The following JAM2 variants were observed in gnomAD, a reference collection of about 807,000 sequenced individuals.
The protein encoded by JAM2 is junctional adhesion molecule 2.
In JAM2, 17 loss-of-function variants were observed where a neutral mutation model predicts 42.0. The observed-to-expected ratio is 0.40, with a 90% CI of 0.28 to 0.61. The LOEUF (loss-of-function observed/expected upper bound fraction) is 0.61. JAM2 is among the 20% of genes least tolerant of loss of function. The probability of loss-of-function intolerance (pLI) is 0.37; values close to 1 mark genes in which losing one functional copy is unlikely to be tolerated. For synonymous variants in JAM2, 118 were observed against 128.6 expected (o/e 0.92, Z 0.56); for missense variants, 319 against 358.3 (o/e 0.89, Z 0.89).
chr21:25,664,525 C>A (rs557304573), intron 1 of JAM2, among the ~76,000 whole-genome samples: 1 of 152,248 alleles, frequency 6.6e-6, no homozygotes, highest in African/African-American at 2.4e-5. Context: ...TCAGCCACTG[C>A]GCCCAGCCCA....
At chr21:25,683,353 G>A (rs957889908) in intron 1 of JAM2, among the ~76,000 whole-genome samples, 5 of 151,822 alleles carry the variant, frequency 3.3e-5, no homozygotes, top group African/African-American at 9.7e-5. Flanking sequence ...AAATAAAGAT[G>A]TTCTGCTTGA....
In JAM2 at chr21:25,639,541, C is replaced by T. The variant is rs559285135; in HGVS notation, c.-281C>T. The T allele has an allele frequency of 8.4e-6, 3 of 355,800 alleles. No homozygotes were observed. Among genetic ancestry groups the T allele is most frequent in the Admixed American group, 4.7e-5 (1 of 21,096 alleles). The allele number at this position is 355,800 out of a possible 1,614,324, so 22.0% of individuals were successfully genotyped here. A position where few individuals can be genotyped will look rare whatever the true frequency, so the allele number is the denominator to read the frequency against. On this transcript the variant is annotated 5_prime_UTR_variant, in exon 1 of 10. It adds an upstream start codon to the 5' untranslated region. Coordinates refer to ENST00000480456, the MANE Select transcript of JAM2 (RefSeq NM_021219.4). ...TGCCCCCTCGCTAGGACCCGGCGGA[C>T]GCCTCGTCTGGTTTTCACGCCCTCT...
In JAM2 at chr21:25,693,894, C is replaced by T. The variant is rs1432965507; in HGVS notation, c.380C>T (p.Thr127Ile). 3 of 1,614,162 alleles carry T rather than the reference C, an allele frequency of 1.9e-6. No homozygotes were observed. The highest frequency in any genetic ancestry group is 1.7e-5 in the Admixed American group (1 of 60,022). The change falls in exon 4 of 10, where the codon ACT becomes ATT. Residue 127 changes from threonine to isoleucine, a missense_variant. By Grantham distance (89) the Thr-to-Ile change is moderately conservative. Transcript: ENST00000480456. ...QGQNLEEDTVTLEVLVAPAVP... is the reference protein window; with the variant it reads ...QGQNLEEDTVILEVLVAPAVP... ...CAAAACCTGGAAGAGGATACAGTCA[C>T]TCTGGAAGTATTAGGTGATGTGCAT...
chr21:25,690,015 C>A (rs192670065), intron 3 of JAM2, 42 bp downstream of exon 3: 4 of 1,151,346 alleles, frequency 3.5e-6, no homozygotes, highest in Non-Finnish European at 5.2e-6. Context: ...CAAGAGAATG[C>A]CAAGTACAAC....
chr21:25,712,161 T>C, intron 8 of JAM2, 179 bp from the exon 9 acceptor site: 1 of 633,680 alleles, frequency 1.6e-6, no homozygotes, highest in South Asian at 1.6e-5. Context: ...TGACTTTCTC[T>C]GTGAATATTG....
At chr21:25,693,976 C>G in intron 4 of JAM2, 68 bp downstream of exon 4, 1 of 1,476,946 alleles carries the variant, frequency 6.8e-7, no homozygotes, top group African/African-American at 1.4e-5. Flanking sequence ...TGGGGGCAAG[C>G]AAGCACTGGT....
chr21:25,698,002 C>T (rs2034079664), intron 4 of JAM2, among the ~76,000 whole-genome samples: 1 of 145,610 alleles, frequency 6.9e-6, no homozygotes, highest in South Asian at 2.1e-4. Flanking sequence ...CTCTCTCCCT[C>T]TCTCTCCCTC....
chr21:25,699,157 G>A (rs2034105819), intron 5 of JAM2, among the ~76,000 whole-genome samples: 1 of 152,162 alleles, frequency 6.6e-6, no homozygotes, highest in African/African-American at 2.4e-5. Flanking sequence ...AGCAAAGGCT[G>A]TGTGTTTATC....
At chr21:25,686,098 C>T (rs372725441) in intron 2 of JAM2, among the ~76,000 whole-genome samples, 1 of 152,210 alleles carries the variant, frequency 6.6e-6, no homozygotes, top group African/African-American at 2.4e-5. Context: ...CAACCACCAC[C>T]TCTACCTAGT....
At chr21:25,645,721 A>G (rs897571721) in intron 1 of JAM2, among the ~76,000 whole-genome samples, 1 of 152,200 alleles carries the variant, frequency 6.6e-6, no homozygotes, top group Non-Finnish European at 1.5e-5. Flanking sequence ...GTGATCATAG[A>G]GTGTACTTAC....
chr21:25,671,717 C>T (rs2033366633), intron 1 of JAM2, among the ~76,000 whole-genome samples: 1 of 152,170 alleles, frequency 6.6e-6, no homozygotes, highest in Non-Finnish European at 1.5e-5. Flanking sequence ...CCATGTTGGC[C>T]AGGCTGGTCT....
At chr21:25,660,219 C>T (rs1423603280) in intron 1 of JAM2, among the ~76,000 whole-genome samples, 2 of 152,078 alleles carry the variant, frequency 1.3e-5, no homozygotes, top group Non-Finnish European at 2.9e-5. Flanking sequence ...TGCACCCAGC[C>T]CCTCTTATAG....
chr21:25,711,738 T>C (rs529251016), intron 8 of JAM2, among the ~76,000 whole-genome samples: 4 of 148,264 alleles, frequency 2.7e-5, no homozygotes, highest in East Asian at 4.4e-4. Flanking sequence ...CGAAAAGTAA[T>C]TGGAAGGTTT....
rs1473673314 is a variant in JAM2 at position 25,639,886 on chromosome 21, G to A, written c.65G>A (p.Gly22Asp). Residue 22 changes from glycine to aspartate, a missense_variant and splice_region_variant, in exon 1 of 10, where the codon GGC (glycine) becomes GAC (aspartate). Physicochemically the swap from Gly to Asp is moderately conservative, Grantham distance 94. Transcript: ENST00000480456. ...CTGCGCTACCTGGTGGTCGCCCTGG[G>A]CTGTAAGTTGCTCGGGTTCCTCTAC... ...LLLRYLVVAL[G>D]YHKAYGFSAP... The A allele has an allele frequency of 1.9e-6, 3 of 1,587,232 alleles. No individual in the cohort carries two copies. Among genetic ancestry groups the A allele is most frequent in the Middle Eastern group, 1.7e-4 (1 of 6,024 alleles).
intron 3 of JAM2, 112 bp downstream of exon 3, chr21:25,690,085 G>A: frequency 1.4e-6 from 1 of 705,858 alleles, no homozygotes; most frequent in Non-Finnish European, 2.5e-6. Flanking sequence ...ATGTGTTTTT[G>A]TAAGTGTGAG....
intron 1 of JAM2, among the ~76,000 whole-genome samples, chr21:25,678,892 T>G (rs1475281577): frequency 2.0e-5 from 3 of 152,204 alleles, no homozygotes; most frequent in South Asian, 2.1e-4. Flanking sequence ...TTCAAACGCC[T>G]GTGCTCAAGT....
At position 25,650,345 on chromosome 21, in the gene JAM2, C is replaced by G. The variant is rs148366235; in HGVS notation, c.67+10457C>G. On this transcript the variant is annotated intron_variant, in intron 1 of 9. Coordinates refer to ENST00000480456, the MANE Select transcript of JAM2 (RefSeq NM_021219.4). The stretch of plus-strand genomic sequence containing the variant: ...TTAATGATTTTGTGGGATCTTGACA[C>G]TTGCTCATTAGCACTTAAAAAATTA... Among the ~76,000 whole-genome samples, 399 of 152,320 alleles carry G rather than the reference C, an allele frequency of 2.6e-3. 3 individuals are homozygous for G. The highest frequency in any genetic ancestry group is 8.7e-3 in the African/African-American group (361 of 41,576).
At position 25,714,949 on chromosome 21, in the gene JAM2, G is replaced by C. The variant is rs908504764; in HGVS notation, c.*277G>C. The C allele has an allele frequency of 3.8e-5, 11 of 288,082 alleles. No homozygotes were observed. Among genetic ancestry groups the C allele is most frequent in the African/African-American group, 2.2e-4 (10 of 45,772 alleles). 17.8% of individuals were successfully genotyped at this position (288,082 alleles called of 1,614,324 possible). ...CTGGGCTTTGGGAAATGTTAACCAC[G>C]TCCTAACTTCTAGAGAACGTTACTA... On this transcript the variant is annotated 3_prime_UTR_variant, in exon 10 of 10. Coordinates refer to ENST00000480456, the MANE Select transcript of JAM2 (RefSeq NM_021219.4).
chr21:25,680,747 G>C (rs1230843220), intron 1 of JAM2, among the ~76,000 whole-genome samples: 1 of 152,198 alleles, frequency 6.6e-6, no homozygotes, highest in Admixed American at 6.5e-5. Context: ...AAAGGAGGTA[G>C]TTTAGTCAGA....
Sources: gnomAD v4.1 joint callset for allele counts (sites outside exome capture counted in the v4.1 genomes callset) on GRCh38, gnomAD v4.1.1 for gene constraint, MANE v1.5 for transcripts, NCBI Gene and HGNC (gene_info 2026-07-23, HGNC 2026-07-21) for gene names.